Variants in THRB observed in about 807,000 individuals in gnomAD.
THRB encodes the protein thyroid hormone receptor beta, also known as nuclear receptor subfamily 1 group A member 2.
THRB carries 12 observed loss-of-function variants against 47.8 expected under a neutral mutation model. The ratio of observed to expected loss-of-function variants is 0.25; its 90% CI spans 0.16 to 0.41. THRB has a LOEUF of 0.41. Among genes scored for constraint, THRB ranks in the 10% least tolerant of loss-of-function variants. The pLI, the probability that THRB is intolerant of heterozygous loss-of-function variation, is 1.00. For missense variants in THRB, 348 were observed against 589.2 expected (o/e 0.59, Z 4.24); for synonymous variants, 218 against 212.2 (o/e 1.03, Z -0.24).
At chr3:24,268,191 C>T (rs1298238129) in intron 3 of THRB, among the ~76,000 whole-genome samples, 2 of 151,998 alleles carry the variant, frequency 1.3e-5, no homozygotes, top group African/African-American at 2.4e-5. Flanking sequence ...TTAAGGCACC[C>T]CTCAGTGATT....
At chr3:24,234,319 G>T (rs983445656) in intron 3 of THRB, among the ~76,000 whole-genome samples, 1 of 152,152 alleles carries the variant, frequency 6.6e-6, no homozygotes, top group South Asian at 2.1e-4. Flanking sequence ...CTTTGGCTAT[G>T]GACTTTGATC....
At chr3:24,476,704 T>C (rs1695501230) in intron 1 of THRB, among the ~76,000 whole-genome samples, 1 of 152,198 alleles carries the variant, frequency 6.6e-6, no homozygotes, top group Non-Finnish European at 1.5e-5. Flanking sequence ...ATTTGTTGTT[T>C]TTCTCTTGAA....
intron 2 of THRB, among the ~76,000 whole-genome samples, chr3:24,331,874 C>T (rs2061952140): frequency 6.6e-6 from 1 of 152,126 alleles, no homozygotes; most frequent in Admixed American, 6.5e-5. Context: ...CCCCTTTCAT[C>T]GTTCCCCTTT....
chr3:24,159,669 T>C (rs1401204139), intron 5 of THRB, among the ~76,000 whole-genome samples: 1 of 151,988 alleles, frequency 6.6e-6, no homozygotes, highest in Non-Finnish European at 1.5e-5. Flanking sequence ...GTGGGGATGA[T>C]TTTGCCTCCC....
At chr3:24,323,715 C>T (rs2058635464) in intron 2 of THRB, among the ~76,000 whole-genome samples, 1 of 152,170 alleles carries the variant, frequency 6.6e-6, no homozygotes, top group South Asian at 2.1e-4. Context: ...CACTAGAATA[C>T]TCCAGAAGTC....
chr3:24,293,445 T>C (rs1222505966), intron 3 of THRB, among the ~76,000 whole-genome samples: 1 of 152,182 alleles, frequency 6.6e-6, no homozygotes, highest in Admixed American at 6.6e-5. Flanking sequence ...TATTTAAAAT[T>C]ATATACTATG....
At chr3:24,362,253 AC>A (rs1420869038) in intron 1 of THRB, among the ~76,000 whole-genome samples, 1 of 150,744 alleles carries the variant, frequency 6.6e-6, no homozygotes, top group Non-Finnish European at 1.5e-5. Context: ...CCAACTATCC[AC>A]CCCCTTCCCT....
intron 3 of THRB, among the ~76,000 whole-genome samples, chr3:24,258,323 G>A (rs979916563): frequency 6.6e-6 from 1 of 152,086 alleles, no homozygotes; most frequent in Non-Finnish European, 1.5e-5. Flanking sequence ...ACTCCCCTGG[G>A]CAGGCCTGAT....
At chr3:24,370,564 G>T (rs879388267) in intron 1 of THRB, among the ~76,000 whole-genome samples, 1 of 152,024 alleles carries the variant, frequency 6.6e-6, no homozygotes, top group African/African-American at 2.4e-5. Context: ...TCTATGGAGT[G>T]ACTTCCTGGG....
At chr3:24,143,746 T>C (rs2149004762) in intron 7 of THRB, 40 bp from the exon 8 acceptor site, 1 of 1,603,318 alleles carries the variant, frequency 6.2e-7, no homozygotes, top group South Asian at 1.1e-5. Flanking sequence ...ACACAGATGC[T>C]CCCAAGATAC....
intron 1 of THRB, among the ~76,000 whole-genome samples, chr3:24,390,796 AAATAT>A (rs2066505386): frequency 8.7e-6 from 1 of 114,658 alleles, no homozygotes; most frequent in Non-Finnish European, 1.8e-5. Context: ...AAAAAAAAAA[AAATAT>A]ATATATATAT....
intron 3 of THRB, among the ~76,000 whole-genome samples, chr3:24,247,507 A>C (rs2050219916): frequency 6.6e-6 from 1 of 152,228 alleles, no homozygotes; most frequent in South Asian, 2.1e-4. Flanking sequence ...CAAGAATTTT[A>C]AAGTGGGAGA....
At chr3:24,290,810 G>A (rs1045825128) in intron 3 of THRB, among the ~76,000 whole-genome samples, 40 of 152,270 alleles carry the variant, frequency 2.6e-4, no homozygotes, top group African/African-American at 9.4e-4. Context: ...AGCCCTAGAA[G>A]CTAATATTTT....
intron 3 of THRB, among the ~76,000 whole-genome samples, chr3:24,287,586 A>T (rs548279881): frequency 6.6e-6 from 1 of 152,306 alleles, no homozygotes; most frequent in South Asian, 2.1e-4. Context: ...TTCCTGGTCA[A>T]CTTGAAAGGG....
intron 2 of THRB, among the ~76,000 whole-genome samples, chr3:24,298,938 T>A (rs1215589081): frequency 6.6e-6 from 1 of 152,140 alleles, no homozygotes; most frequent in Non-Finnish European, 1.5e-5. Flanking sequence ...AAGTTAATAT[T>A]TTTTTTTCTG....
chr3:24,286,722 T>C (rs2055341570), intron 3 of THRB, among the ~76,000 whole-genome samples: 1 of 152,202 alleles, frequency 6.6e-6, no homozygotes, highest in East Asian at 1.9e-4. Context: ...CTAGATAAAA[T>C]AGAAATTTTA....
intron 2 of THRB, among the ~76,000 whole-genome samples, chr3:24,306,180 C>T (rs1168775912): frequency 6.6e-6 from 1 of 152,156 alleles, no homozygotes; most frequent in East Asian, 1.9e-4. Flanking sequence ...TTTGCTTTGG[C>T]ATGCAGAAGG....
chr3:24,136,401 T>A (rs1212842104), intron 8 of THRB, among the ~76,000 whole-genome samples: 2 of 152,190 alleles, frequency 1.3e-5, no homozygotes, highest in Non-Finnish European at 2.9e-5. Flanking sequence ...TTTGTCTATA[T>A]CCATGAATTG....
At chr3:24,486,041 C>T (rs1365411395) in intron 1 of THRB, among the ~76,000 whole-genome samples, 9 of 152,192 alleles carry the variant, frequency 5.9e-5, no homozygotes, top group Admixed American at 5.2e-4. Flanking sequence ...CAAACGTCTA[C>T]ACCAGCTGTT....
Sources: gnomAD v4.1 joint callset for allele counts (sites outside exome capture counted in the v4.1 genomes callset) on GRCh38, gnomAD v4.1.1 for gene constraint, MANE v1.5 for transcripts, NCBI Gene and HGNC (gene_info 2026-07-23, HGNC 2026-07-21) for gene names.